The following TRIM45 variants were observed in gnomAD, a reference collection of about 807,000 sequenced individuals.
The protein encoded by TRIM45 is E3 ubiquitin-protein ligase TRIM45.
Under a neutral mutation model 46.7 loss-of-function variants are expected in TRIM45, and 45 were observed. The observed-to-expected ratio is 0.96, with a 90% confidence interval of 0.76 to 1.24. The LOEUF (loss-of-function observed/expected upper bound fraction) is 1.24. Ranked by LOEUF, TRIM45 falls within the 50% of genes most tolerant of loss-of-function variation. The probability of loss-of-function intolerance (pLI) is 0.00; values close to 1 mark genes in which losing one functional copy is unlikely to be tolerated. For missense variants in TRIM45, 680 were observed against 728.4 expected (o/e 0.93, Z 0.77); for synonymous variants, 259 against 285.8 (o/e 0.91, Z 0.94).
intron 1 of TRIM45, among the ~76,000 whole-genome samples, chr1:117,120,008 GGGTAA>G (rs975037408): frequency 8.5e-5 from 13 of 152,116 alleles, no homozygotes; most frequent in East Asian, 3.9e-4. Flanking sequence ...TCCTAGGATG[GGGTAA>G]GGTAAGAGTA....
In TRIM45 at chr1:117,113,699, C is replaced by T. The variant is rs1650304130; in HGVS notation, c.1468-214G>A. On this transcript the variant is annotated intron_variant, in intron 4 of 5. Coordinates refer to ENST00000256649, the MANE Select transcript of TRIM45 (RefSeq NM_025188.4). This position sits in a 1 kb window ranked among gnomAD's most constrained non-coding sequence, Gnocchi z 4.0. ...GAAGCATCACAGGGTCTATGCAGCC[C>T]TCCTACCATGCTTTTCACCGCAGAT... 6.6e-6 allele frequency among the ~76,000 whole-genome samples: 1 copy of T among 152,180 alleles called. No individual in the cohort carries two copies. Among genetic ancestry groups the T allele is most frequent in the Non-Finnish European group, 1.5e-5 (1 of 68,022 alleles).
rs1400723260 is a variant in TRIM45 at position 117,117,008 on chromosome 1, T to C, written c.1223-263A>G. The stretch of plus-strand genomic sequence containing the variant: ...AGTCCTAGGACTGAAGGTCCTATGC[T>C]TTAAAAATACTCACGACTGACCGAG... On this transcript the variant is annotated intron_variant, in intron 2 of 5. Transcript: ENST00000256649. The surrounding 1 kb of genome is among the most constrained non-coding windows in gnomAD (Gnocchi z 4.9). Among the ~76,000 whole-genome samples, 1 of 152,038 alleles carries C rather than the reference T, an allele frequency of 6.6e-6. No homozygotes were observed. The highest frequency in any genetic ancestry group is 2.4e-5 in the African/African-American group (1 of 41,384).
Position 117,111,133 on chromosome 1 carries a change from C to T in TRIM45, c.*1172G>A, listed in dbSNP as rs1450918407. Reference sequence around the variant, plus strand: ...TTCAGAAGAACACACAAAATATATACAGTGAAGACCTTGGCAGGGCTGAGG... The same window carrying T: ...TTCAGAAGAACACACAAAATATATATAGTGAAGACCTTGGCAGGGCTGAGG... On this transcript the variant is annotated 3_prime_UTR_variant, in exon 6 of 6. Coordinates refer to ENST00000256649, the MANE Select transcript of TRIM45 (RefSeq NM_025188.4). 6.6e-6 allele frequency: 1 copy of T among 152,158 alleles called. No individual in the cohort carries two copies. The highest frequency in any genetic ancestry group is 1.5e-5 in the Non-Finnish European group (1 of 68,020). The allele number at this position is 152,158 out of a possible 1,614,324, so 9.4% of individuals were successfully genotyped here.
Position 117,121,182 on chromosome 1 carries a change from GGTTTTCT to G in TRIM45, c.13_19del (p.Lys6CysfsTer5). 1 of 1,561,708 alleles carries G rather than the reference GGTTTTCT, an allele frequency of 6.4e-7. No homozygotes were observed. Among genetic ancestry groups the G allele is most frequent in the Non-Finnish European group, 8.6e-7 (1 of 1,157,838 alleles). ...GAGTTTGCTTACAAAGCCCAGCAGCGGTTTTCTGTTTTCTGACATACTCCTCACGTTT... is the reference window on the plus strand; with the variant it reads ...GAGTTTGCTTACAAAGCCCAGCAGCGGTTTTCTGACATACTCCTCACGTTT... On this transcript the variant is annotated frameshift_variant, in exon 1 of 6. Coordinates refer to ENST00000256649, the MANE Select transcript of TRIM45 (RefSeq NM_025188.4). LOFTEE classifies it high-confidence loss of function. The surrounding 1 kb of genome is among the most constrained non-coding windows in gnomAD (Gnocchi z 4.2).
At chr1:117,123,088 G>GC (rs1650725725), upstream of TRIM45, among the ~76,000 whole-genome samples, 1 of 151,392 alleles carries the variant, frequency 6.6e-6, no homozygotes, top group South Asian at 2.1e-4. Flanking sequence ...GAAATGTTTG[G>GC]CCATTTCCAA....
rs1650348097 is a variant in TRIM45, at chr1:117,115,073, A to G, written c.1467+502T>C. On this transcript the variant is annotated intron_variant, in intron 4 of 5. Coordinates refer to ENST00000256649, the MANE Select transcript of TRIM45 (RefSeq NM_025188.4). This position sits in a 1 kb window ranked among gnomAD's most constrained non-coding sequence, Gnocchi z 4.2. ...TTGTTTGGTATATTTGTTTGTTTAT[A>G]GGAACCATAGTAACAGAAAAACCTA... Among the ~76,000 whole-genome samples the G allele has an allele frequency of 6.6e-6, 1 of 152,232 alleles. No homozygotes were observed. Among genetic ancestry groups the G allele is most frequent in the Non-Finnish European group, 1.5e-5 (1 of 68,046 alleles).
chr1:117,120,921 C>T lies in TRIM45; in HGVS notation c.281G>A (p.Cys94Tyr). 4 of 1,614,192 alleles carry T rather than the reference C, an allele frequency of 2.5e-6. No individual in the cohort carries two copies. The highest frequency in any genetic ancestry group is 3.4e-6 in the Non-Finnish European group (4 of 1,180,028). ...RSLQSQIGILCPVCDAQVDLP... is the reference protein window; with the variant it reads ...RSLQSQIGILYPVCDAQVDLP... ...GTCCACCTGAGCATCACATACAGGA[C>T]AAAGGATGCCGATCTGCGACTGCAG... The change falls in exon 1 of 6, where the codon TGT (cysteine) becomes TAT (tyrosine). Residue 94 changes from cysteine (C) to tyrosine (Y), a missense_variant. By Grantham distance (194) the Cys-to-Tyr change is radical. Transcript: ENST00000256649.
chr1:117,123,041 GAAAA>G (rs11355900), upstream of TRIM45, among the ~76,000 whole-genome samples: 1 of 140,776 alleles, frequency 7.1e-6, no homozygotes, highest in African/African-American at 2.7e-5. Context: ...CCCAAAATAT[GAAAA>G]AAAAAAAAAA....
Position 117,116,846 on chromosome 1 carries a change from G to A in TRIM45, c.1223-101C>T, listed in dbSNP as rs1650422942. On this transcript the variant is annotated intron_variant, in intron 2 of 5. Transcript: ENST00000256649. The surrounding 1 kb of genome is among the most constrained non-coding windows in gnomAD (Gnocchi z 4.6). Reference sequence around the variant, plus strand: ...TCAGAACAAAGGGTTGTACTTTACTGTAACCACCCTGGGTCCCTTTGTTTT... The same window carrying A: ...TCAGAACAAAGGGTTGTACTTTACTATAACCACCCTGGGTCCCTTTGTTTT... 4.0e-6 allele frequency: 6 copies of A among 1,510,938 alleles called. No homozygotes were observed. The highest frequency in any genetic ancestry group is 2.5e-5 in the South Asian group (2 of 81,584). The allele number at this position is 1,510,938 out of a possible 1,614,324, so 93.6% of individuals were successfully genotyped here. A position where few individuals can be genotyped will look rare whatever the true frequency, so the allele number is the denominator to read the frequency against.
chr1:117,118,039 C>G lies in TRIM45; in HGVS notation c.1217G>C (p.Gly406Ala), dbSNP rs1650467761. ...AATGGGAAATGCCTTCCTACCTTCT[C>G]CTTGTAGGACACATTTGGCTGGATC... The part of the protein sequence containing the change: ...EVDPAKCVLQ[G>A]EDLHRAREKQ... The change falls in exon 2 of 6, where the codon GGA becomes GCA. Residue 406 changes from glycine (G) to alanine (A), a missense_variant. Physicochemically the swap from Gly to Ala is moderately conservative, Grantham distance 60 (BLOSUM62 0). Coordinates refer to ENST00000256649, the MANE Select transcript of TRIM45 (RefSeq NM_025188.4). The surrounding 1 kb of genome is among the most constrained non-coding windows in gnomAD (Gnocchi z 5.7). 4.3e-6 allele frequency: 7 copies of G among 1,612,118 alleles called. No homozygotes were observed. The highest frequency in any genetic ancestry group is 5.9e-6 in the Non-Finnish European group (7 of 1,178,760).
chr1:117,118,776 A>G lies in TRIM45; in HGVS notation c.489-9T>C, dbSNP rs1400311152. ...TCGTTTTCTTCTGCCGCCTAGGGGC[A>G]AACAGAATCAGTAACAGGAAATAAG... is the stretch of plus-strand genomic sequence containing the variant. On this transcript the variant is annotated splice_polypyrimidine_tract_variant and intron_variant, in intron 1 of 5. Coordinates refer to ENST00000256649, the MANE Select transcript of TRIM45 (RefSeq NM_025188.4). This position sits in a 1 kb window ranked among gnomAD's most constrained non-coding sequence, Gnocchi z 5.7. The G allele has an allele frequency of 4.4e-6, 7 of 1,606,772 alleles. No homozygotes were observed. Among genetic ancestry groups the G allele is most frequent in the South Asian group, 1.1e-5 (1 of 90,532 alleles).
rs1019664276 is a variant in TRIM45 at position 117,121,724 on chromosome 1, G to T, written c.-523C>A. On this transcript the variant is annotated 5_prime_UTR_variant, in exon 1 of 6. Transcript: ENST00000256649. The surrounding 1 kb of genome is among the most constrained non-coding windows in gnomAD (Gnocchi z 4.2). Reference sequence around the variant, plus strand: ...GTGTCCACCGCCTCTCCCGCGCCTCGGCCCGGGACGCCCGCGGGCTCTGGC... The same window carrying T: ...GTGTCCACCGCCTCTCCCGCGCCTCTGCCCGGGACGCCCGCGGGCTCTGGC... The T allele has an allele frequency of 3.4e-6, 2 of 593,764 alleles. No individual in the cohort carries two copies. The highest frequency in any genetic ancestry group is 1.9e-5 in the South Asian group (1 of 52,706). The allele number at this position is 593,764 out of a possible 1,614,324, so 36.8% of individuals were successfully genotyped here.
In TRIM45 at chr1:117,118,169, T is replaced by C. The variant is rs1650473240; in HGVS notation, c.1087A>G (p.Ser363Gly). Residue 363 changes from serine to glycine, a missense_variant, in exon 2 of 6, where the codon AGC becomes GGC. Transcript: ENST00000256649. This position sits in a 1 kb window ranked among gnomAD's most constrained non-coding sequence, Gnocchi z 5.7. ...TTATCATTTACTCCAGGACGGGTGC[T>C]ATATTGAACTTTGTTCAGCTTCCTG... ...RLRKLNKVQY[S>G]TRPGVNDKIR... 1 of 1,614,200 alleles carries C rather than the reference T, an allele frequency of 6.2e-7. No individual in the cohort carries two copies. The highest frequency in any genetic ancestry group is 8.5e-7 in the Non-Finnish European group (1 of 1,180,034).
chr1:117,118,913 T>C lies in TRIM45; in HGVS notation c.489-146A>G, dbSNP rs1650518100. The C allele has an allele frequency of 9.2e-7, 1 of 1,085,052 alleles. No homozygotes were observed. The highest frequency in any genetic ancestry group is 1.6e-5 in the African/African-American group (1 of 63,216). The allele number at this position is 1,085,052 out of a possible 1,614,324, so 67.2% of individuals were successfully genotyped here. The stretch of plus-strand genomic sequence containing the variant: ...TCTAATCTCTAATTGCATGAACCTC[T>C]CTGATTCCAGTTTCTCATCTGTACA... On this transcript the variant is annotated intron_variant, in intron 1 of 5. Transcript: ENST00000256649. The surrounding 1 kb of genome is among the most constrained non-coding windows in gnomAD (Gnocchi z 5.7).
chr1:117,113,543 G>A lies in TRIM45; in HGVS notation c.1468-58C>T. The A allele has an allele frequency of 2.5e-6, 4 of 1,586,526 alleles. No homozygotes were observed. Among genetic ancestry groups the A allele is most frequent in the South Asian group, 1.1e-5 (1 of 86,966 alleles). On this transcript the variant is annotated intron_variant, in intron 4 of 5. Transcript: ENST00000256649. The surrounding 1 kb of genome is among the most constrained non-coding windows in gnomAD (Gnocchi z 4.0). ...ATCTTACGAGTTAACAGGATGTGCTGCGCATCACTATGTGCTAAACAGAGT... is the reference window on the plus strand; with the variant it reads ...ATCTTACGAGTTAACAGGATGTGCTACGCATCACTATGTGCTAAACAGAGT...
At chr1:117,122,728 C>T (rs561464018), upstream of TRIM45, 1 of 152,314 alleles carries the variant, frequency 6.6e-6, no homozygotes, top group East Asian at 1.9e-4. Flanking sequence ...AAGATGAACA[C>T]GTCCGACCCC....
At chr1:117,120,229 C>G (rs1050773059) in intron 1 of TRIM45, among the ~76,000 whole-genome samples, 11 of 152,288 alleles carry the variant, frequency 7.2e-5, no homozygotes, top group Admixed American at 6.5e-4. Context: ...TCAAAATGAT[C>G]TGGATTTAAT....
rs1650278743 is a variant in TRIM45 at position 117,113,094 on chromosome 1, CTG to C, written c.1594+263_1594+264del. 1.3e-5 allele frequency among the ~76,000 whole-genome samples: 2 copies of C among 152,182 alleles called. No homozygotes were observed. The highest frequency in any genetic ancestry group is 2.1e-4 in the South Asian group (1 of 4,836). On this transcript the variant is annotated intron_variant, in intron 5 of 5. Transcript: ENST00000256649. The surrounding 1 kb of genome is among the most constrained non-coding windows in gnomAD (Gnocchi z 4.0). ...AGGCCGCTGGAAAGGGACAGACAAA[CTG>C]AGAATCCTACATAGAAGCACAGGGC...
At chr1:117,112,570 T>G (rs1007820792) in intron 5 of TRIM45, 117 bp from the exon 6 acceptor site, 12 of 1,018,102 alleles carry the variant, frequency 1.2e-5, no homozygotes, top group Non-Finnish European at 1.7e-5. Context: ...AGTGAAAATA[T>G]CTAAGAAAAT....
Sources: gnomAD v4.1 joint callset for allele counts (sites outside exome capture counted in the v4.1 genomes callset) on GRCh38, gnomAD v4.1.1 for gene constraint, Gnocchi (gnomAD v3.1) non-coding constraint, MANE v1.5 for transcripts, NCBI Gene and HGNC (gene_info 2026-07-23, HGNC 2026-07-21) for gene names.